ARID1B: variants seen among roughly 807,000 people sequenced by gnomAD.
ARID1B encodes the protein AT-rich interaction domain 1B, also known as AT-rich interactive domain-containing protein 1B.
A neutral mutation model predicts 212.3 loss-of-function variants in ARID1B; 30 were observed. The observed-to-expected ratio is 0.14, with a 90% CI of 0.11 to 0.19. The LOEUF (loss-of-function observed/expected upper bound fraction) is 0.19, where lower values mean the gene tolerates loss of function less well. Among genes scored for constraint, ARID1B ranks in the 10% least tolerant of loss-of-function variants. The probability of loss-of-function intolerance (pLI) is 1.00; values close to 1 mark genes in which losing one functional copy is unlikely to be tolerated. For synonymous variants in ARID1B, 1,402 were observed against 1,301.7 expected (o/e 1.08, Z -1.66); for missense variants, 2,891 against 3,204.0 (o/e 0.90, Z 2.36).
chr6:157,035,758 G>C (rs1781287852), intron 4 of ARID1B, among the ~76,000 whole-genome samples: 1 of 152,220 alleles, frequency 6.6e-6, no homozygotes, highest in African/African-American at 2.4e-5. Context: ...GGCTCTGCCA[G>C]TGCCAGGGGG....
intron 10 of ARID1B, 129 bp from the exon 11 acceptor site, chr6:157,174,718 T>A (rs1273130412): frequency 3.2e-5 from 8 of 249,974 alleles, no homozygotes; most frequent in East Asian, 9.9e-5. Flanking sequence ...GTACATGTCT[T>A]TATATATATA....
intron 3 of ARID1B, among the ~76,000 whole-genome samples, chr6:156,914,326 T>C (rs1225795196): frequency 3.3e-5 from 5 of 152,246 alleles, no homozygotes; most frequent in Admixed American, 1.3e-4. Context: ...TGTTCTGTTA[T>C]TCAGCCTGAT....
chr6:157,012,859 A>T (rs913777529), intron 4 of ARID1B, among the ~76,000 whole-genome samples: 2 of 152,152 alleles, frequency 1.3e-5, no homozygotes, highest in African/African-American at 4.8e-5. Flanking sequence ...GTTTTTAAGT[A>T]TGGCATGAGG....
At chr6:157,127,961 CAAAA>C (rs1279121300) in intron 6 of ARID1B, among the ~76,000 whole-genome samples, 1 of 88,408 alleles carries the variant, frequency 1.1e-5, no homozygotes. Flanking sequence ...GACTTCATCT[CAAAA>C]AAAAAAAAAA....
At chr6:156,925,537 A>T (rs887913434) in intron 3 of ARID1B, among the ~76,000 whole-genome samples, 7 of 152,178 alleles carry the variant, frequency 4.6e-5, no homozygotes, top group Admixed American at 2.6e-4. Flanking sequence ...AAAAGGTTTT[A>T]AAAAAGTCTG....
intron 2 of ARID1B, among the ~76,000 whole-genome samples, chr6:156,897,218 GCTTCTTCTTCTTCTTCTT>G (rs796265973): frequency 4.4e-5 from 4 of 91,378 alleles, no homozygotes; most frequent in Non-Finnish European, 6.6e-5. Context: ...TGCTGCTGCT[GCTTCTTCTTCTTCTTCTT>G]CTTCTTCTTC....
At chr6:157,145,453 C>T (rs541676810) in intron 7 of ARID1B, among the ~76,000 whole-genome samples, 1 of 152,298 alleles carries the variant, frequency 6.6e-6, no homozygotes, top group East Asian at 1.9e-4. Context: ...CCCACATCTG[C>T]ACGGACAGTG....
chr6:157,026,893 T>A (rs1284758291), intron 4 of ARID1B, among the ~76,000 whole-genome samples: 3 of 152,208 alleles, frequency 2.0e-5, no homozygotes, highest in Non-Finnish European at 2.9e-5. Flanking sequence ...CTGGAAAACT[T>A]CTAACTCCTC....
chr6:157,166,982 C>G (rs910759881), intron 8 of ARID1B, 58 bp from the exon 9 acceptor site: 1 of 1,580,938 alleles, frequency 6.3e-7, no homozygotes, highest in Non-Finnish European at 8.6e-7. Context: ...ACTGCCAGGG[C>G]AAACCACTGC....
intron 2 of ARID1B, among the ~76,000 whole-genome samples, chr6:156,895,208 A>G (rs562300704): frequency 6.6e-6 from 1 of 152,336 alleles, no homozygotes; most frequent in African/African-American, 2.4e-5. Context: ...GTGATATTCT[A>G]TAGAATTAGT....
At chr6:156,919,220 G>A (rs1582947915) in intron 3 of ARID1B, among the ~76,000 whole-genome samples, 1 of 152,076 alleles carries the variant, frequency 6.6e-6, no homozygotes, top group Admixed American at 6.5e-5. Flanking sequence ...AAAATCCTCA[G>A]ATTTTATACA....
chr6:156,898,356 A>G (rs1026448067), intron 2 of ARID1B, among the ~76,000 whole-genome samples: 1 of 152,090 alleles, frequency 6.6e-6, no homozygotes, highest in African/African-American at 2.4e-5. Context: ...TTGTGTGGGC[A>G]GTGTGTGTGG....
chr6:157,140,429 T>C (rs1789264240), intron 7 of ARID1B, among the ~76,000 whole-genome samples: 1 of 152,168 alleles, frequency 6.6e-6, no homozygotes, highest in Non-Finnish European at 1.5e-5. Flanking sequence ...GAGATCACAC[T>C]ACTACACTCC....
At chr6:157,098,907 A>G (rs993456945) in intron 5 of ARID1B, among the ~76,000 whole-genome samples, 3 of 152,194 alleles carry the variant, frequency 2.0e-5, no homozygotes, top group Non-Finnish European at 4.4e-5. Context: ...CAGACTAAAA[A>G]TGTCTCATTT....
In ARID1B at chr6:156,916,202, G is replaced by T. The variant is rs1016943043; in HGVS notation, c.2136+14677G>T. Among the ~76,000 whole-genome samples, 67 of 152,078 alleles carry T rather than the reference G, an allele frequency of 4.4e-4. 1 individual carries two copies. The highest frequency in any genetic ancestry group is 1.4e-3 in the African/African-American group (57 of 41,522). On this transcript the variant is annotated intron_variant, in intron 3 of 19. Coordinates refer to ENST00000636930, the MANE Select transcript of ARID1B (RefSeq NM_001374828.1). ...CAGTTGGACATTGGTAATTTTTTTT[G>T]ATTTACTGCTGACACTGCGGCTCCA...
intron 4 of ARID1B, among the ~76,000 whole-genome samples, chr6:157,080,270 A>G (rs1299394918): frequency 6.6e-6 from 1 of 152,196 alleles, no homozygotes; most frequent in African/African-American, 2.4e-5. Flanking sequence ...CACTTATTTA[A>G]TTAAGCAAGG....
intron 2 of ARID1B, among the ~76,000 whole-genome samples, chr6:156,844,234 G>C (rs1193520762): frequency 1.3e-5 from 2 of 152,200 alleles, no homozygotes; most frequent in Non-Finnish European, 2.9e-5. Flanking sequence ...TTACAGGCTG[G>C]CTGGATCTTG....
At chr6:157,106,996 A>G (rs1233695052) in intron 5 of ARID1B, among the ~76,000 whole-genome samples, 1 of 152,242 alleles carries the variant, frequency 6.6e-6, no homozygotes, top group Non-Finnish European at 1.5e-5. Context: ...TAGGATTTGC[A>G]TAGTCTCAAA....
intron 2 of ARID1B, among the ~76,000 whole-genome samples, chr6:156,834,057 T>C (rs779358144): frequency 2.0e-4 from 30 of 152,206 alleles, no homozygotes; most frequent in Non-Finnish European, 3.5e-4. Context: ...TGATCTATTC[T>C]GGAAAAAAAT....
Sources: allele counts gnomAD v4.1 joint callset (sites outside exome capture counted in the v4.1 genomes callset), GRCh38; gene constraint gnomAD v4.1.1; transcripts MANE v1.5; gene names NCBI Gene and HGNC (gene_info 2026-07-23, HGNC 2026-07-21).